Variants in DEPDC5 observed in about 807,000 individuals in gnomAD.
DEPDC5 encodes DEP domain containing 5, GATOR1 subcomplex subunit, also known as GATOR1 complex protein DEPDC5.
Under a neutral mutation model 217.3 loss-of-function variants are expected in DEPDC5, and 73 were observed. The ratio of observed to expected loss-of-function variants is 0.34; its 90% CI spans 0.28 to 0.41. The LOEUF (loss-of-function observed/expected upper bound fraction) is 0.41. Ranked by LOEUF, DEPDC5 falls within the 10% of genes least tolerant of loss-of-function variation. The pLI, the probability that DEPDC5 is intolerant of heterozygous loss-of-function variation, is 1.00. For missense variants in DEPDC5, 1,675 were observed against 2,070.1 expected (o/e 0.81, Z 3.70); for synonymous variants, 733 against 756.7 (o/e 0.97, Z 0.51).
At chr22:31,905,901 G>T in intron 41 of DEPDC5, 83 bp from the exon 42 acceptor site, 1 of 1,233,842 alleles carries the variant, frequency 8.1e-7, no homozygotes, top group Non-Finnish European at 1.2e-6. Context: ...CAGGCTGTCC[G>T]AGAGTCCTAT....
At chr22:31,820,357 C>A (rs1385723459) in intron 22 of DEPDC5, among the ~76,000 whole-genome samples, 3 of 152,136 alleles carry the variant, frequency 2.0e-5, no homozygotes, top group African/African-American at 7.2e-5. Context: ...AGCAGTCCAC[C>A]CACCCCGGCT....
At chr22:31,799,355 A>T (rs1339775253) in intron 14 of DEPDC5, among the ~76,000 whole-genome samples, 3 of 143,956 alleles carry the variant, frequency 2.1e-5, no homozygotes, top group East Asian at 2.1e-4. Flanking sequence ...TTTTTTTTTT[A>T]AATATACTTT....
intron 27 of DEPDC5, among the ~76,000 whole-genome samples, chr22:31,841,750 GGA>G (rs1374342711): frequency 6.6e-6 from 1 of 152,210 alleles, no homozygotes; most frequent in Admixed American, 6.5e-5. Flanking sequence ...CAGAAAAAGC[GGA>G]GAGTGGTTTG....
At chr22:31,807,099 A>G (rs911063919) in intron 18 of DEPDC5, among the ~76,000 whole-genome samples, 22 of 152,290 alleles carry the variant, frequency 1.4e-4, no homozygotes, top group Admixed American at 7.2e-4. Flanking sequence ...TTTAAAATAT[A>G]TTAATAATTA....
Position 31,843,095 on chromosome 22 carries a change from G to A in DEPDC5, c.2516G>A (p.Gly839Asp). The change falls in exon 28 of 43, where the codon GGC (glycine) becomes GAC (aspartate). Residue 839 changes from glycine (G) to aspartate (D), a missense_variant and splice_region_variant. Transcript: ENST00000651528. ...GAGGAAATTATTATTTTTCTGTTAG[G>A]CCTTGTGTCCCGAAACCGCCCTGAG... Reference protein sequence around the residue: ...PLSSSPLYSRGLVSRNRPEEE... With the variant: ...PLSSSPLYSRDLVSRNRPEEE... The A allele has an allele frequency of 2.5e-6, 4 of 1,610,580 alleles. No individual in the cohort carries two copies. Among genetic ancestry groups the A allele is most frequent in the Non-Finnish European group, 3.4e-6 (4 of 1,177,902 alleles).
chr22:31,772,890 T>C (rs1053358333), intron 7 of DEPDC5, among the ~76,000 whole-genome samples: 1 of 152,068 alleles, frequency 6.6e-6, no homozygotes, highest in Non-Finnish European at 1.5e-5. Context: ...CAAGTGATTC[T>C]CCTACCTCAG....
In DEPDC5 at chr22:31,861,414, C is replaced by T. The variant is rs79027628; in HGVS notation, c.3311C>T (p.Ser1104Leu). The change falls in exon 33 of 43, where the codon TCG (serine) becomes TTG (leucine). Residue 1104 changes from serine to leucine, a missense_variant. Ser to Leu is a moderately radical substitution (Grantham distance 145). Coordinates refer to ENST00000651528, the MANE Select transcript of DEPDC5 (RefSeq NM_001242896.3). Reference protein sequence around the residue: ...MEFVRSPRTASSAFYPQVSVD... With the variant: ...MEFVRSPRTALSAFYPQVSVD... ...TTTGTCCGCAGCCCACGCACAGCAT[C>T]GTCCGCCTTCTACCCTCAGGTTAGT... is the stretch of plus-strand genomic sequence containing the variant. The T allele has an allele frequency of 3.6e-4, 564 of 1,551,608 alleles. No homozygotes were observed. Among genetic ancestry groups the T allele is most frequent in the Non-Finnish European group, 4.5e-4 (516 of 1,146,970 alleles).
chr22:31,844,289 G>C lies in DEPDC5; in HGVS notation c.2801+477G>C, dbSNP rs183955761. Among the ~76,000 whole-genome samples, 1,457 of 152,230 alleles carry C rather than the reference G, an allele frequency of 9.6e-3. 20 individuals carry two copies. Among genetic ancestry groups the C allele is most frequent in the African/African-American group, 0.032 (1,345 of 41,536 alleles). On this transcript the variant is annotated intron_variant, in intron 29 of 42. Coordinates refer to ENST00000651528, the MANE Select transcript of DEPDC5 (RefSeq NM_001242896.3). The stretch of plus-strand genomic sequence containing the variant: ...ATGGTGACATACCCCTATAGTCCTA[G>C]CTACTCAGGAGGCCGAAGTGCTTGA...
Position 31,870,655 on chromosome 22 carries a change from A to G in DEPDC5, c.3396A>G (p.Gln1132=). 6.2e-7 allele frequency: 1 copy of G among 1,605,870 alleles called. No homozygotes were observed. Residue 1132 remains glutamine (Q), a synonymous_variant, in exon 34 of 43, where the codon CAA becomes CAG. Transcript: ENST00000651528. ...DGTSLGICTG[Q]SMDRGNSQTF... is the part of the protein sequence containing the mutation. Reference sequence around the variant, plus strand: ...CCAGTTTGGGCATATGCACAGGCCAATCCATGGACAGAGGCAACAGCCAGA... The same window carrying G: ...CCAGTTTGGGCATATGCACAGGCCAGTCCATGGACAGAGGCAACAGCCAGA...
chr22:31,890,240 A>G (rs957873111), intron 38 of DEPDC5: 1 of 152,204 alleles, frequency 6.6e-6, no homozygotes, highest in Non-Finnish European at 1.5e-5. Flanking sequence ...TCTGAGACAT[A>G]TGGTTACTAA....
In DEPDC5 at chr22:31,874,416, A is replaced by G. The variant is rs1319541444; in HGVS notation, c.3696+11A>G. The G allele has an allele frequency of 6.2e-7, 1 of 1,608,146 alleles. No homozygotes were observed. The highest frequency in any genetic ancestry group is 1.1e-5 in the South Asian group (1 of 89,844). On this transcript the variant is annotated intron_variant, in intron 36 of 42. Coordinates refer to ENST00000651528, the MANE Select transcript of DEPDC5 (RefSeq NM_001242896.3). ...ATTGACATCATGCAGGTGAGACAGC[A>G]AGAGGGGCCCATAGAGCTGTTTGCT...
intron 10 of DEPDC5, 46 bp from the exon 11 acceptor site, chr22:31,791,987 G>A: frequency 1.0e-6 from 1 of 975,048 alleles, no homozygotes; most frequent in South Asian, 1.3e-5. Flanking sequence ...TCATAGTGAA[G>A]TAAATGAAAC....
intron 14 of DEPDC5, among the ~76,000 whole-genome samples, chr22:31,800,024 ATCT>A (rs1298827710): frequency 2.0e-5 from 3 of 151,422 alleles, no homozygotes; most frequent in Non-Finnish European, 4.4e-5. Flanking sequence ...GATGGTCTCG[ATCT>A]CCTGACCTCG....
At chr22:31,888,175 G>A (rs2149346735) in intron 38 of DEPDC5, among the ~76,000 whole-genome samples, 1 of 150,736 alleles carries the variant, frequency 6.6e-6, no homozygotes, top group South Asian at 2.1e-4. Flanking sequence ...GACTCTAGAA[G>A]CAGCAGCCCT....
At chr22:31,867,762 C>G (rs1448540992) in intron 33 of DEPDC5, among the ~76,000 whole-genome samples, 1 of 152,174 alleles carries the variant, frequency 6.6e-6, no homozygotes, top group East Asian at 1.9e-4. Context: ...AATTCCTGAT[C>G]CAGAGGACAA....
rs1010546653 is a variant in DEPDC5, at chr22:31,804,785, A to G, written c.1144-57A>G. On this transcript the variant is annotated intron_variant, in intron 16 of 42. Transcript: ENST00000651528. ...ACCTGAAAAACAGAAAAGTTAGAGC[A>G]GTTCCAAAACCTACTTGTTCTGTAG... 8.4e-6 allele frequency: 13 copies of G among 1,540,594 alleles called. No homozygotes were observed. In the African/African-American group the frequency reaches 1.6e-4, roughly 20 times the overall value.
At position 31,874,449 on chromosome 22, in the gene DEPDC5, C is replaced by G. The variant is rs372642117; in HGVS notation, c.3696+44C>G. The stretch of plus-strand genomic sequence containing the variant: ...CCCATAGAGCTGTTTGCTTAGGTCC[C>G]GAAAAATCAGGGCCTGCCTTAGAAG... On this transcript the variant is annotated intron_variant, in intron 36 of 42. Coordinates refer to ENST00000651528, the MANE Select transcript of DEPDC5 (RefSeq NM_001242896.3). The G allele has an allele frequency of 2.8e-5, 44 of 1,561,246 alleles. No individual in the cohort carries two copies. In the African/African-American group the frequency reaches 4.4e-4, roughly 16 times the overall value.
chr22:31,848,803 C>G, intron 31 of DEPDC5, among the ~76,000 whole-genome samples: 1 of 152,300 alleles, frequency 6.6e-6, no homozygotes, highest in Non-Finnish European at 1.5e-5. Flanking sequence ...ATCAGGCTGC[C>G]AAGTTTCCAA....
intron 6 of DEPDC5, among the ~76,000 whole-genome samples, chr22:31,767,032 A>G (rs2082876150): frequency 6.6e-6 from 1 of 152,160 alleles, no homozygotes; most frequent in African/African-American, 2.4e-5. Flanking sequence ...AAGTTAGGTA[A>G]TTGCCCAAGG....
Sources: gnomAD v4.1 joint callset for allele counts (sites outside exome capture counted in the v4.1 genomes callset) on GRCh38, gnomAD v4.1.1 for gene constraint, MANE v1.5 for transcripts, NCBI Gene and HGNC (gene_info 2026-07-23, HGNC 2026-07-21) for gene names.